The following EPHA4 variants were observed in gnomAD, a reference collection of about 807,000 sequenced individuals.
The protein encoded by EPHA4 is EPH receptor A4.
Under a neutral mutation model 108.3 loss-of-function variants are expected in EPHA4, and 19 were observed. The observed-to-expected ratio is 0.18, with a 90% CI of 0.12 to 0.26. EPHA4 has a LOEUF of 0.26. EPHA4 is among the 10% of genes least tolerant of loss of function. EPHA4 has a pLI of 1.00. For synonymous variants in EPHA4, 449 were observed against 455.5 expected (o/e 0.99, Z 0.18); for missense variants, 917 against 1,254.0 (o/e 0.73, Z 4.06).
chr2:221,558,274 A>G (rs1002363285), intron 3 of EPHA4, among the ~76,000 whole-genome samples: 1 of 152,100 alleles, frequency 6.6e-6, no homozygotes, highest in African/African-American at 2.4e-5. Context: ...TAAGCTTTTG[A>G]AAACTGTGTG....
At chr2:221,472,555 AG>A (rs1691519963) in intron 5 of EPHA4, among the ~76,000 whole-genome samples, 1 of 152,132 alleles carries the variant, frequency 6.6e-6, no homozygotes, top group Non-Finnish European at 1.5e-5. Flanking sequence ...CACAGACAAA[AG>A]GTTCCTAGAC....
At chr2:221,531,615 AC>A (rs1559281828) in intron 3 of EPHA4, among the ~76,000 whole-genome samples, 1 of 152,092 alleles carries the variant, frequency 6.6e-6, no homozygotes, top group African/African-American at 2.4e-5. Flanking sequence ...TCTAGATGAT[AC>A]CTTTTTCTTC....
chr2:221,469,656 AGTCAATAAAC>A (rs1489077104), intron 5 of EPHA4, among the ~76,000 whole-genome samples: 1 of 152,126 alleles, frequency 6.6e-6, no homozygotes, highest in Admixed American at 6.6e-5. Flanking sequence ...AAGAGTTGGG[AGTCAATAAAC>A]GTCACTTATG....
At chr2:221,539,093 A>G (rs1003928145) in intron 3 of EPHA4, among the ~76,000 whole-genome samples, 9 of 152,288 alleles carry the variant, frequency 5.9e-5, no homozygotes, top group Admixed American at 5.9e-4. Context: ...TACCAAGTTC[A>G]AGGTCCTGAC....
intron 4 of EPHA4, among the ~76,000 whole-genome samples, chr2:221,484,162 C>T (rs1293944489): frequency 6.6e-6 from 1 of 151,628 alleles, no homozygotes; most frequent in African/African-American, 2.4e-5. Flanking sequence ...TGAGCTTTAC[C>T]TAGTCTACCA....
At chr2:221,533,820 A>C (rs1207827767) in intron 3 of EPHA4, among the ~76,000 whole-genome samples, 1 of 151,354 alleles carries the variant, frequency 6.6e-6, no homozygotes, top group Non-Finnish European at 1.5e-5. Flanking sequence ...AAATCCAAAC[A>C]ACCTTCTCCA....
chr2:221,566,854 GAGAAGA>G lies in EPHA4; in HGVS notation c.159+1858_159+1863del, dbSNP rs769632541. Among the ~76,000 whole-genome samples the G allele has an allele frequency of 7.7e-4, 41 of 53,280 alleles. 1 individual carries two copies. The highest frequency in any genetic ancestry group is 7.7e-3 in the Middle Eastern group (1 of 130). 35.0% of individuals were successfully genotyped at this position (53,280 alleles called of 152,430 possible). On this transcript the variant is annotated intron_variant, in intron 2 of 17. Coordinates refer to ENST00000281821, the MANE Select transcript of EPHA4 (RefSeq NM_004438.5). ...GAAGGAGAAGAAGGAGAAGGAGAAG[GAGAAGA>G]AGAAGAAGAAGAAGAAGGAGAAGGA...
chr2:221,473,791 G>A (rs1691571662), intron 5 of EPHA4, among the ~76,000 whole-genome samples: 1 of 152,024 alleles, frequency 6.6e-6, no homozygotes, highest in African/African-American at 2.4e-5. Context: ...ATCTCAGCCA[G>A]GCACTTATTT....
intron 17 of EPHA4, chr2:221,421,970 T>C (rs969133798): frequency 1.3e-5 from 2 of 152,018 alleles, no homozygotes; most frequent in Non-Finnish European, 2.9e-5. Flanking sequence ...CCAGGTCTTG[T>C]AGCTCATACC....
intron 3 of EPHA4, among the ~76,000 whole-genome samples, chr2:221,505,337 T>TA (rs746177858): frequency 0.01 from 1,535 of 152,082 alleles, 14 homozygotes; most frequent in Admixed American, 0.012. Flanking sequence ...TTTATTTATT[T>TA]TTTTGAGACA....
intron 15 of EPHA4, among the ~76,000 whole-genome samples, chr2:221,427,047 C>T (rs2106089726): frequency 6.6e-6 from 1 of 152,310 alleles, no homozygotes; most frequent in East Asian, 1.9e-4. Flanking sequence ...GTAAGGAAAA[C>T]TGCGAGCTTG....
rs145044800 is a variant in EPHA4 at position 221,569,758 on chromosome 2, G to C, written c.92-973C>G. Among the ~76,000 whole-genome samples the C allele has an allele frequency of 2.0e-3, 297 of 152,084 alleles. 1 individual carries two copies. Among genetic ancestry groups the C allele is most frequent in the South Asian group, 5.4e-3 (26 of 4,812 alleles). On this transcript the variant is annotated intron_variant, in intron 1 of 17. Transcript: ENST00000281821. ...GGCTCTTCAGGCTGGGGGAGGGGTG[G>C]GAATGGGAAGCCGCCATCCGTGCTC...
chr2:221,446,766 A>G (rs1406962356), intron 8 of EPHA4, among the ~76,000 whole-genome samples: 1 of 152,176 alleles, frequency 6.6e-6, no homozygotes, highest in Non-Finnish European at 1.5e-5. Flanking sequence ...ACAAATTCCC[A>G]ACTTATTAAC....
chr2:221,426,719 G>A (rs1689924336), intron 15 of EPHA4, 100 bp from the exon 16 acceptor site: 1 of 1,086,576 alleles, frequency 9.2e-7, no homozygotes, highest in Non-Finnish European at 1.3e-6. Context: ...GAACTGAAAA[G>A]CTAAGGGAAG....
chr2:221,422,665 A>G (rs192851437), intron 17 of EPHA4, among the ~76,000 whole-genome samples: 33 of 152,306 alleles, frequency 2.2e-4, no homozygotes, highest in Admixed American at 6.5e-4. Flanking sequence ...CAACTCCTTT[A>G]TCATGGGAAA....
chr2:221,438,181 A>AT (rs148645709), intron 11 of EPHA4, among the ~76,000 whole-genome samples: 8,269 of 149,390 alleles, frequency 0.055, 446 homozygotes, highest in African/African-American at 0.14. Flanking sequence ...CCCCCTACCT[A>AT]TTTTTTTTTT....
chr2:221,535,996 C>G (rs1033343046), intron 3 of EPHA4, among the ~76,000 whole-genome samples: 4 of 152,208 alleles, frequency 2.6e-5, no homozygotes, highest in African/African-American at 7.2e-5. Context: ...GCAGCTAACT[C>G]CTGTTCTTGG....
chr2:221,566,271 A>C (rs191672962), intron 2 of EPHA4, among the ~76,000 whole-genome samples: 2 of 152,264 alleles, frequency 1.3e-5, no homozygotes, highest in African/African-American at 4.8e-5. Flanking sequence ...AATAAATGTC[A>C]TTATCAGACC....
intron 17 of EPHA4, among the ~76,000 whole-genome samples, chr2:221,422,319 G>A (rs1689783009): frequency 6.6e-6 from 1 of 152,212 alleles, no homozygotes; most frequent in Non-Finnish European, 1.5e-5. Context: ...ACATGAATAT[G>A]ATCTTAAAAC....
Sources: allele counts gnomAD v4.1 joint callset (sites outside exome capture counted in the v4.1 genomes callset), GRCh38; gene constraint gnomAD v4.1.1; transcripts MANE v1.5; gene names NCBI Gene and HGNC (gene_info 2026-07-23, HGNC 2026-07-21).